Variants in NCKAP5 observed in about 807,000 individuals in gnomAD.
The protein encoded by NCKAP5 is NCK associated protein 5, also known as nck-associated protein 5.
Under a neutral mutation model 167.0 loss-of-function variants are expected in NCKAP5, and 92 were observed. The observed-to-expected ratio is 0.55, with a 90% CI of 0.47 to 0.66. NCKAP5 has a LOEUF of 0.66. Ranked by LOEUF, NCKAP5 falls within the 30% of genes least tolerant of loss-of-function variation. The pLI is 0.00. For missense variants in NCKAP5, 2,378 were observed against 2,315.0 expected, an observed-to-expected ratio of 1.03 and a Z score of -0.56; for synonymous variants, 891 against 877.4, an observed-to-expected ratio of 1.02 and a Z score of -0.27.
the NCKAP5 span, among the ~76,000 whole-genome samples, chr2:133,608,394 C>T: frequency 6.6e-6 from 1 of 152,320 alleles, no homozygotes; most frequent in African/African-American, 2.4e-5. Context: ...GTATATACTA[C>T]AGTCCTGATA....
chr2:132,936,660 T>C (rs947647092), intron 8 of NCKAP5, among the ~76,000 whole-genome samples: 3 of 152,204 alleles, frequency 2.0e-5, no homozygotes, highest in African/African-American at 7.2e-5. Flanking sequence ...AAGAAACTGT[T>C]ATCTGAGTAT....
At chr2:132,975,283 T>C (rs1250916911) in intron 7 of NCKAP5, among the ~76,000 whole-genome samples, 1 of 152,178 alleles carries the variant, frequency 6.6e-6, no homozygotes, top group African/African-American at 2.4e-5. Flanking sequence ...CAAGATTAAA[T>C]GTGTATGATG....
Position 133,365,329 on chromosome 2 carries a change from T to C in NCKAP5, c.70-62219A>G, listed in dbSNP as rs979687076. On this transcript the variant is annotated intron_variant, in intron 3 of 19. Transcript: ENST00000409261. Reference sequence around the variant, plus strand: ...CTAGCTGGCGAAGCACATTGTCTGATAGAAATGAACTTTTGGTGTATGTGT... The same window carrying C: ...CTAGCTGGCGAAGCACATTGTCTGACAGAAATGAACTTTTGGTGTATGTGT... 2.0e-5 allele frequency among the ~76,000 whole-genome samples: 3 copies of C among 152,200 alleles called. No homozygotes were observed. In the South Asian group the frequency reaches 6.2e-4, roughly 32 times the overall value.
chr2:133,239,832 C>T (rs1184226303), intron 4 of NCKAP5, among the ~76,000 whole-genome samples: 1 of 152,184 alleles, frequency 6.6e-6, no homozygotes, highest in East Asian at 1.9e-4. Flanking sequence ...TTTTTAAGAA[C>T]AAATGTTCAG....
At chr2:133,315,842 T>A (rs1681570030) in intron 3 of NCKAP5, among the ~76,000 whole-genome samples, 1 of 151,700 alleles carries the variant, frequency 6.6e-6, no homozygotes, top group Admixed American at 6.6e-5. Flanking sequence ...GGGGTAGAGG[T>A]TGGGGAAAGG....
rs1241362508 is a variant in NCKAP5, at chr2:132,672,956, AC to A, written c.*332del. On this transcript the variant is annotated 3_prime_UTR_variant, in exon 20 of 20. Coordinates refer to ENST00000409261, the MANE Select transcript of NCKAP5 (RefSeq NM_207363.3). ...TATTGTTATCTCTATCAAGCGGTGC[AC>A]CCCCCACCCCCCACCCATCATTTCT... 9.0e-5 allele frequency: 20 copies of A among 221,428 alleles called. No individual in the cohort carries two copies. Among genetic ancestry groups the A allele is most frequent in the South Asian group, 3.8e-4 (2 of 5,298 alleles). The allele number at this position is 221,428 out of a possible 1,614,324, so 13.7% of individuals were successfully genotyped here. A position where few individuals can be genotyped will look rare whatever the true frequency, so the allele number is the denominator to read the frequency against.
At chr2:133,593,700 T>C in the NCKAP5 span, among the ~76,000 whole-genome samples, 39 of 152,352 alleles carry the variant, frequency 2.6e-4, no homozygotes, top group African/African-American at 8.4e-4. Context: ...GGTTTATCTA[T>C]GTATGACGGT....
chr2:133,040,526 A>G (rs2079180095), intron 6 of NCKAP5, among the ~76,000 whole-genome samples: 1 of 152,202 alleles, frequency 6.6e-6, no homozygotes, highest in Non-Finnish European at 1.5e-5. Flanking sequence ...ATTGAATTCA[A>G]TGGAAAATAT....
intron 3 of NCKAP5, among the ~76,000 whole-genome samples, chr2:133,491,450 C>T (rs745746900): frequency 5.9e-5 from 9 of 152,168 alleles, no homozygotes; most frequent in East Asian, 3.9e-4. Flanking sequence ...GGTCCAACAG[C>T]GTCACCAAGG....
chr2:132,815,184 C>G (rs896784637), intron 11 of NCKAP5, among the ~76,000 whole-genome samples: 1 of 152,114 alleles, frequency 6.6e-6, no homozygotes, highest in Non-Finnish European at 1.5e-5. Flanking sequence ...TTTCTCTGAG[C>G]TTTCCTTTCA....
At position 133,417,310 on chromosome 2, in the gene NCKAP5, C is replaced by T. The variant is rs1362355535; in HGVS notation, c.69+100148G>A. ...GTATCTCATTTTTGGCAATTCAAAGCGCAATTTCCCATTAACCCCGATTGC... is the reference window on the plus strand; with the variant it reads ...GTATCTCATTTTTGGCAATTCAAAGTGCAATTTCCCATTAACCCCGATTGC... On this transcript the variant is annotated intron_variant, in intron 3 of 19. Transcript: ENST00000409261. 3.3e-5 allele frequency among the ~76,000 whole-genome samples: 5 copies of T among 152,130 alleles called. No individual in the cohort carries two copies. The East Asian group carries it at 5.8e-4, about 18-fold the overall frequency.
rs1176731938 is a variant in NCKAP5, at chr2:133,116,487, CAAAAAAAAAAAAAAA to C, written c.341+13476_341+13490del. On this transcript the variant is annotated intron_variant, in intron 6 of 19. Coordinates refer to ENST00000409261, the MANE Select transcript of NCKAP5 (RefSeq NM_207363.3). ...TGGGCGACAGAGCGAGACTCCGTCTCAAAAAAAAAAAAAAAAAAAAAAAAAAAAAGAAAAATTTGT... is the reference window on the plus strand; with the variant it reads ...TGGGCGACAGAGCGAGACTCCGTCTCAAAAAAAAAAAAAAGAAAAATTTGT... Among the ~76,000 whole-genome samples, 38 of 7,146 alleles carry C rather than the reference CAAAAAAAAAAAAAAA, an allele frequency of 5.3e-3. 5 individuals are homozygous for C. The highest frequency in any genetic ancestry group is 8.6e-3 in the Non-Finnish European group (34 of 3,968). The allele number at this position is 7,146 out of a possible 152,430, so 4.7% of individuals were successfully genotyped here. A position where few individuals can be genotyped will look rare whatever the true frequency, so the allele number is the denominator to read the frequency against.
At position 133,155,682 on chromosome 2, in the gene NCKAP5, G is replaced by A. The variant is rs140464315; in HGVS notation, c.208-25571C>T. ...AGTAGACTTGTAGACTTTGAGTAAA[G>A]CAGATCACCCTCTGTTATGTGGGTG... On this transcript the variant is annotated intron_variant, in intron 5 of 19. Transcript: ENST00000409261. 4.6e-5 allele frequency among the ~76,000 whole-genome samples: 7 copies of A among 152,284 alleles called. No homozygotes were observed. In the East Asian group the frequency reaches 1.2e-3, roughly 25 times the overall value.
At chr2:132,844,735 G>A (rs1688543913) in intron 11 of NCKAP5, among the ~76,000 whole-genome samples, 1 of 152,072 alleles carries the variant, frequency 6.6e-6, no homozygotes, top group Admixed American at 6.6e-5. Flanking sequence ...CTTGAAAACA[G>A]TGCACAGTGT....
rs926748485 is a variant in NCKAP5 at position 133,288,493 on chromosome 2, G to A, written c.143+14544C>T. 1.1e-4 allele frequency among the ~76,000 whole-genome samples: 17 copies of A among 152,152 alleles called. No homozygotes were observed. In the East Asian group the frequency reaches 1.2e-3, roughly 10 times the overall value. ...TTCTAGAGAATATTGAAGAGACAGCGTCAGACAATGCAATTTCCTTTAATA... is the reference window on the plus strand; with the variant it reads ...TTCTAGAGAATATTGAAGAGACAGCATCAGACAATGCAATTTCCTTTAATA... On this transcript the variant is annotated intron_variant, in intron 4 of 19. Transcript: ENST00000409261.
the NCKAP5 span, among the ~76,000 whole-genome samples, chr2:133,633,739 T>C: frequency 2.6e-5 from 4 of 152,178 alleles, no homozygotes; most frequent in Non-Finnish European, 5.9e-5. Context: ...TCAAGGGGCA[T>C]AGGGCTGAGG....
chr2:132,721,168 C>A (rs36001845), intron 19 of NCKAP5, among the ~76,000 whole-genome samples: 1 of 151,734 alleles, frequency 6.6e-6, no homozygotes, highest in Admixed American at 6.6e-5. Context: ...ATTAGCCAGA[C>A]GTGGCGGTGG....
chr2:133,486,882 C>T (rs1476979967), intron 3 of NCKAP5, among the ~76,000 whole-genome samples: 2 of 152,170 alleles, frequency 1.3e-5, no homozygotes, highest in African/African-American at 4.8e-5. Context: ...ATTCAGTCTT[C>T]CCACACTTTT....
intron 3 of NCKAP5, among the ~76,000 whole-genome samples, chr2:133,427,268 T>C (rs1433268308): frequency 2.0e-5 from 3 of 152,210 alleles, no homozygotes; most frequent in Admixed American, 6.5e-5. Flanking sequence ...TGAAAAATGA[T>C]AAGACTATGT....
Sources: allele counts gnomAD v4.1 joint callset (sites outside exome capture counted in the v4.1 genomes callset), GRCh38; gene constraint gnomAD v4.1.1; transcripts MANE v1.5; gene names NCBI Gene and HGNC (gene_info 2026-07-23, HGNC 2026-07-21).